Variants in CCSER1 observed in about 807,000 individuals in gnomAD.
CCSER1 encodes the protein serine-rich coiled-coil domain-containing protein 1.
A neutral mutation model predicts 82.0 loss-of-function variants in CCSER1; 41 were observed. The ratio of observed to expected loss-of-function variants is 0.50; its 90% CI spans 0.39 to 0.65. The LOEUF (loss-of-function observed/expected upper bound fraction) is 0.65, where lower values mean the gene tolerates loss of function less well. Among genes scored for constraint, CCSER1 ranks in the 30% least tolerant of loss-of-function variants. The pLI is 0.00. For missense variants in CCSER1, 1,119 were observed against 1,064.2 expected (o/e 1.05, Z -0.72); for synonymous variants, 414 against 383.9 (o/e 1.08, Z -0.92).
intron 4 of CCSER1, among the ~76,000 whole-genome samples, chr4:90,441,627 G>T (rs530102814): frequency 6.6e-6 from 1 of 152,268 alleles, no homozygotes; most frequent in South Asian, 2.1e-4. Context: ...ACACGATTCA[G>T]TCTATAGCAA....
intron 6 of CCSER1, among the ~76,000 whole-genome samples, chr4:90,690,243 T>G (rs1032958831): frequency 1.3e-5 from 2 of 152,018 alleles, no homozygotes; most frequent in African/African-American, 4.8e-5. Context: ...GAAAGGGGGT[T>G]GGATAACTCC....
At chr4:91,571,434 A>C (rs1032392277) in intron 10 of CCSER1, among the ~76,000 whole-genome samples, 15 of 152,148 alleles carry the variant, frequency 9.9e-5, no homozygotes, top group Admixed American at 9.8e-4. Context: ...ATTTATAAAG[A>C]AAAGAGATTT....
chr4:91,247,536 C>T (rs13116692), intron 10 of CCSER1, among the ~76,000 whole-genome samples: 34,631 of 151,994 alleles, frequency 0.23, 4,671 homozygotes, highest in African/African-American at 0.36. Context: ...AACAAGCACA[C>T]TAGAGCTCAG....
chr4:91,398,768 A>G (rs1752145783), intron 10 of CCSER1, among the ~76,000 whole-genome samples: 1 of 151,666 alleles, frequency 6.6e-6, no homozygotes, highest in African/African-American at 2.4e-5. Context: ...CATCAAGCCT[A>G]TTTTACTACC....
intron 7 of CCSER1, among the ~76,000 whole-genome samples, chr4:90,770,520 A>T (rs16996235): frequency 0.16 from 25,006 of 152,144 alleles, 3,725 homozygotes; most frequent in African/African-American, 0.4. Context: ...AAGTATCTTA[A>T]TATTGTGTTC....
chr4:90,593,961 T>A (rs1020691247), intron 5 of CCSER1, among the ~76,000 whole-genome samples: 1 of 152,008 alleles, frequency 6.6e-6, no homozygotes, highest in African/African-American at 2.4e-5. Flanking sequence ...GTCAATTATA[T>A]AACTGCAGAT....
chr4:91,133,642 T>A (rs1387992385), intron 10 of CCSER1, among the ~76,000 whole-genome samples: 1 of 152,134 alleles, frequency 6.6e-6, no homozygotes, highest in Non-Finnish European at 1.5e-5. Context: ...ACCATGTCTT[T>A]TGAGAGGGAC....
chr4:90,437,100 C>T (rs1270854236), intron 4 of CCSER1, among the ~76,000 whole-genome samples: 2 of 152,086 alleles, frequency 1.3e-5, no homozygotes, highest in Non-Finnish European at 2.9e-5. Flanking sequence ...GGATTTCAGG[C>T]GTGAGCCACC....
At chr4:90,404,151 C>T (rs984411093) in intron 4 of CCSER1, 7 of 152,176 alleles carry the variant, frequency 4.6e-5, no homozygotes, top group African/African-American at 1.4e-4. Flanking sequence ...CCCTTAAGAC[C>T]GTGGGCTGCA....
At chr4:91,450,051 G>C (rs1352193124) in intron 10 of CCSER1, among the ~76,000 whole-genome samples, 1 of 151,944 alleles carries the variant, frequency 6.6e-6, no homozygotes, top group Admixed American at 6.6e-5. Context: ...TTGCTACATT[G>C]CTATGAACTG....
At chr4:91,297,294 C>T (rs1004475866) in intron 10 of CCSER1, among the ~76,000 whole-genome samples, 3 of 151,224 alleles carry the variant, frequency 2.0e-5, no homozygotes, top group African/African-American at 7.3e-5. Flanking sequence ...AGCAGGATAG[C>T]AGTAAACAGT....
chr4:90,262,948 C>G (rs568690429), intron 1 of CCSER1, among the ~76,000 whole-genome samples: 16 of 152,136 alleles, frequency 1.1e-4, no homozygotes, highest in Non-Finnish European at 2.2e-4. Flanking sequence ...GGAAGGCTGT[C>G]TATAGATGTG....
chr4:90,526,515 C>T (rs1022549866), intron 5 of CCSER1, among the ~76,000 whole-genome samples: 1 of 152,118 alleles, frequency 6.6e-6, no homozygotes, highest in African/African-American at 2.4e-5. Flanking sequence ...CCGTCATCTA[C>T]ATTAGATATT....
intron 10 of CCSER1, among the ~76,000 whole-genome samples, chr4:91,440,709 T>G (rs1755062626): frequency 6.6e-6 from 1 of 151,708 alleles, no homozygotes; most frequent in Admixed American, 6.6e-5. Flanking sequence ...TCAACAACAT[T>G]GATAGACCAC....
chr4:90,619,043 T>G (rs1382479663), intron 5 of CCSER1, among the ~76,000 whole-genome samples: 1 of 151,812 alleles, frequency 6.6e-6, no homozygotes, highest in Non-Finnish European at 1.5e-5. Context: ...AAAATGTTGT[T>G]TTCAACCAAA....
chr4:90,640,717 G>A lies in CCSER1; in HGVS notation c.1932+12485G>A, dbSNP rs113970542. Among the ~76,000 whole-genome samples, 328 of 152,170 alleles carry A rather than the reference G, an allele frequency of 2.2e-3. 1 individual carries two copies. Among genetic ancestry groups the A allele is most frequent in the African/African-American group, 7.4e-3 (309 of 41,524 alleles). The stretch of plus-strand genomic sequence containing the variant: ...CTTGTGATAGTGAGTGAGTTCTCAG[G>A]AGACGTGATAGTTTAATAAGGGACT... On this transcript the variant is annotated intron_variant, in intron 6 of 10. Coordinates refer to ENST00000509176, the MANE Select transcript of CCSER1 (RefSeq NM_001145065.2).
chr4:90,698,884 G>A (rs996037427), intron 6 of CCSER1, among the ~76,000 whole-genome samples: 3 of 152,034 alleles, frequency 2.0e-5, no homozygotes, highest in Non-Finnish European at 4.4e-5. Flanking sequence ...GTGGGAGGAT[G>A]GCTTGAGACT....
chr4:91,235,599 A>T (rs188073604), intron 10 of CCSER1, among the ~76,000 whole-genome samples: 1 of 152,248 alleles, frequency 6.6e-6, no homozygotes, highest in African/African-American at 2.4e-5. Flanking sequence ...ATCTTTTTAT[A>T]GTTTAAAATC....
chr4:90,259,457 C>A (rs1723923789), intron 1 of CCSER1, among the ~76,000 whole-genome samples: 3 of 151,810 alleles, frequency 2.0e-5, no homozygotes, highest in Non-Finnish European at 2.9e-5. Flanking sequence ...TTTGTATGTC[C>A]TTTATTTCTT....
Sources: allele counts gnomAD v4.1 joint callset (sites outside exome capture counted in the v4.1 genomes callset), GRCh38; gene constraint gnomAD v4.1.1; transcripts MANE v1.5; gene names NCBI Gene and HGNC (gene_info 2026-07-23, HGNC 2026-07-21).